DNAH6: variants seen among roughly 807,000 people sequenced by gnomAD.
DNAH6 encodes the protein axonemal beta dynein heavy chain 6.
A neutral mutation model predicts 491.4 loss-of-function variants in DNAH6; 340 were observed. The ratio of observed to expected loss-of-function variants is 0.69; its 90% CI spans 0.63 to 0.76. The LOEUF (loss-of-function observed/expected upper bound fraction) is 0.76, where lower values mean the gene tolerates loss of function less well. DNAH6 is among the 30% of genes least tolerant of loss of function. The probability of loss-of-function intolerance (pLI) is 0.00; values close to 1 mark genes in which losing one functional copy is unlikely to be tolerated. For missense variants in DNAH6, 4,443 were observed against 4,972.2 expected, an observed-to-expected ratio of 0.89 and a Z score of 3.20; for synonymous variants, 1,603 against 1,686.1, an observed-to-expected ratio of 0.95 and a Z score of 1.21.
At chr2:84,727,582 C>A in intron 60 of DNAH6, 87 bp from the exon 61 acceptor site, 2 of 786,704 alleles carry the variant, frequency 2.5e-6, no homozygotes, top group Non-Finnish European at 4.2e-6. Flanking sequence ...CATTTACTCA[C>A]TGAATGCGAA....
intron 64 of DNAH6, among the ~76,000 whole-genome samples, chr2:84,764,481 C>G (rs900661995): frequency 2.0e-5 from 3 of 152,042 alleles, no homozygotes; most frequent in Admixed American, 2.0e-4. Context: ...AGATATGGAG[C>G]TATGGAAACA....
intron 4 of DNAH6, among the ~76,000 whole-genome samples, chr2:84,541,452 A>G (rs903036050): frequency 6.6e-6 from 1 of 152,192 alleles, no homozygotes; most frequent in Non-Finnish European, 1.5e-5. Flanking sequence ...GTTTTTCTGG[A>G]ACTCTAAGAA....
intron 65 of DNAH6, among the ~76,000 whole-genome samples, chr2:84,783,371 T>C (rs1676877569): frequency 6.6e-6 from 1 of 152,240 alleles, no homozygotes; most frequent in South Asian, 2.1e-4. Flanking sequence ...AGAAGCTTGG[T>C]GCTTTTGCAA....
In DNAH6 at chr2:84,621,305, T is replaced by C; in HGVS notation, c.3907T>C (p.Tyr1303His). Residue 1303 changes from tyrosine (Y) to histidine (H), a missense_variant, in exon 25 of 77, where the codon TAT (tyrosine) becomes CAT (histidine). This residue lies in a region of DNAH6 where 2,977 missense variants were observed against 3,296.6 expected (regional missense o/e 0.90). Coordinates refer to ENST00000389394, the MANE Select transcript of DNAH6 (RefSeq NM_001370.2). ...CCTGTGCAAAGCTGCCATCGCTGAC[T>C]ATCAGGGGAAACTGAGGACAGACTG... ...RRLCKAAIADYQGKLRTDWVV... is the reference protein window; with the variant it reads ...RRLCKAAIADHQGKLRTDWVV... The C allele has an allele frequency of 6.4e-7, 1 of 1,551,618 alleles. No homozygotes were observed.
Position 84,797,642 on chromosome 2 carries a change from C to T in DNAH6, c.11465C>T (p.Ala3822Val), listed in dbSNP as rs1158494238. 1 of 1,551,122 alleles carries T rather than the reference C, an allele frequency of 6.4e-7. No individual in the cohort carries two copies. Among genetic ancestry groups the T allele is most frequent in the Admixed American group, 2.0e-5 (1 of 50,996 alleles). The stretch of plus-strand genomic sequence containing the variant: ...GAAATTTTTGGAATGCATGAAAATG[C>T]TAATCTAGTCTTCCAGGTATGTGGC... ...DPEIFGMHENANLVFQYKETS... is the reference protein window; with the variant it reads ...DPEIFGMHENVNLVFQYKETS... Residue 3822 changes from alanine (A) to valine (V), a missense_variant, in exon 70 of 77, where the codon GCT becomes GTT. Ala to Val is a moderately conservative substitution (Grantham distance 64, BLOSUM62 0). Around this residue, in one of 3 missense-constraint regions of DNAH6, gnomAD observed 1,463 missense variants for 1,656.6 expected, o/e 0.88. Transcript: ENST00000389394.
intron 11 of DNAH6, among the ~76,000 whole-genome samples, chr2:84,564,241 A>T (rs1282039670): frequency 1.3e-5 from 2 of 151,868 alleles, no homozygotes; most frequent in African/African-American, 4.8e-5. Flanking sequence ...AAAAAGATAT[A>T]AATAGTTTGA....
Position 84,694,461 on chromosome 2 carries a change from T to C in DNAH6, c.7505T>C (p.Phe2502Ser), listed in dbSNP as rs1050906340. ...MAGVEDKNMV[F>S]LFTDTQIVVE... The stretch of plus-strand genomic sequence containing the variant: ...GGTGTAGAAGACAAGAATATGGTTT[T>C]CCTTTTCACTGACACCCAGGTGTGT... Residue 2502 changes from phenylalanine (F) to serine (S), a missense_variant, in exon 46 of 77, where the codon TTC (phenylalanine) becomes TCC (serine). Around this residue, in one of 3 missense-constraint regions of DNAH6, gnomAD observed 2,977 missense variants for 3,296.6 expected, o/e 0.90. Coordinates refer to ENST00000389394, the MANE Select transcript of DNAH6 (RefSeq NM_001370.2). The C allele has an allele frequency of 6.4e-7, 1 of 1,551,622 alleles. No homozygotes were observed. The highest frequency in any genetic ancestry group is 1.2e-5 in the South Asian group (1 of 84,062).
At chr2:84,799,254 C>T (rs1006744455) in intron 70 of DNAH6, among the ~76,000 whole-genome samples, 1 of 152,222 alleles carries the variant, frequency 6.6e-6, no homozygotes, top group Admixed American at 6.5e-5. Context: ...TCCCAAAGTG[C>T]TGGGATTACA....
At chr2:84,738,178 A>G (rs1449810476) in intron 62 of DNAH6, among the ~76,000 whole-genome samples, 2 of 151,918 alleles carry the variant, frequency 1.3e-5, no homozygotes, top group Non-Finnish European at 2.9e-5. Flanking sequence ...CTGTGTATTG[A>G]TTTCTATTTT....
chr2:84,604,649 G>C (rs1026447454), intron 19 of DNAH6, 98 bp downstream of exon 19: 16 of 816,124 alleles, frequency 2.0e-5, no homozygotes, highest in African/African-American at 1.0e-4. Context: ...CAACGTTGCA[G>C]CTTTCACTCT....
chr2:84,568,343 G>A (rs1573045005), intron 11 of DNAH6, among the ~76,000 whole-genome samples: 1 of 152,184 alleles, frequency 6.6e-6, no homozygotes, highest in East Asian at 1.9e-4. Context: ...TGATAGACTG[G>A]ATAAAGAAAA....
Position 84,709,534 on chromosome 2 carries a change from T to A in DNAH6, c.9240T>A (p.Asp3080Glu). 2 of 1,551,664 alleles carry A rather than the reference T, an allele frequency of 1.3e-6. No individual in the cohort carries two copies. The highest frequency in any genetic ancestry group is 1.2e-5 in the South Asian group (1 of 84,044). ...TQGRRWPLMI[D>E]PQDQANRWIR... ...GCAGAAGATGGCCTTTGATGATTGA[T>A]CCCCAAGATCAGGTGTGTAGCAAAT... Residue 3080 changes from aspartate (D) to glutamate (E), a missense_variant, in exon 55 of 77, where the codon GAT becomes GAA. Physicochemically the swap from Asp to Glu is conservative, Grantham distance 45 (BLOSUM62 2). Around this residue, in one of 3 missense-constraint regions of DNAH6, gnomAD observed 1,463 missense variants for 1,656.6 expected, o/e 0.88. Coordinates refer to ENST00000389394, the MANE Select transcript of DNAH6 (RefSeq NM_001370.2).
chr2:84,664,027 C>A (rs1337755987), intron 37 of DNAH6, among the ~76,000 whole-genome samples: 1 of 152,090 alleles, frequency 6.6e-6, no homozygotes, highest in African/African-American at 2.4e-5. Context: ...AAATAAAAAT[C>A]CTTTACAGAC....
intron 64 of DNAH6, 39 bp downstream of exon 64, chr2:84,762,984 T>C: frequency 1.4e-6 from 2 of 1,456,572 alleles, no homozygotes; most frequent in Non-Finnish European, 9.4e-7. Flanking sequence ...TGCAAATGCA[T>C]ATGAACATCT....
chr2:84,474,649 C>T, the DNAH6 span, among the ~76,000 whole-genome samples: 2 of 152,156 alleles, frequency 1.3e-5, no homozygotes, highest in African/African-American at 4.8e-5. Flanking sequence ...CATAAATTAA[C>T]AGGAATAGAT....
At chr2:84,817,186 C>CAAA (rs761715083) in intron 76 of DNAH6, among the ~76,000 whole-genome samples, 22 of 139,892 alleles carry the variant, frequency 1.6e-4, no homozygotes, top group African/African-American at 5.2e-4. Context: ...TGTCAGAGAC[C>CAAA]AAAAAAAAAA....
intron 14 of DNAH6, among the ~76,000 whole-genome samples, chr2:84,583,456 G>A (rs939428757): frequency 2.0e-5 from 3 of 152,222 alleles, no homozygotes; most frequent in Non-Finnish European, 4.4e-5. Context: ...CTGATTACCT[G>A]TATTATAGCA....
At chr2:84,588,246 C>T (rs1683758907) in intron 15 of DNAH6, among the ~76,000 whole-genome samples, 1 of 152,192 alleles carries the variant, frequency 6.6e-6, no homozygotes, top group Non-Finnish European at 1.5e-5. Context: ...TAACTAGCCT[C>T]CCTGAGCTAT....
intron 64 of DNAH6, among the ~76,000 whole-genome samples, chr2:84,765,387 A>G (rs1674983559): frequency 6.6e-6 from 1 of 152,094 alleles, no homozygotes; most frequent in Non-Finnish European, 1.5e-5. Context: ...TAACTATTTC[A>G]TAATAATTTT....
Sources: gnomAD v4.1 joint callset for allele counts (sites outside exome capture counted in the v4.1 genomes callset) on GRCh38, gnomAD v4.1.1 for gene constraint, gnomAD v4.1.1 regional missense constraint, MANE v1.5 for transcripts, NCBI Gene and HGNC (gene_info 2026-07-23, HGNC 2026-07-21) for gene names.